SEL1L3: variants seen among roughly 807,000 people sequenced by gnomAD.
SEL1L3 encodes the protein SEL1L family member 3, also known as protein sel-1 homolog 3.
In SEL1L3, 76 loss-of-function variants were observed where a neutral mutation model predicts 142.8. The ratio of observed to expected loss-of-function variants is 0.53; its 90% CI spans 0.44 to 0.64. SEL1L3 has a LOEUF of 0.64. SEL1L3 is among the 30% of genes least tolerant of loss of function. SEL1L3 has a pLI of 0.00. For missense variants in SEL1L3, 1,262 were observed against 1,381.7 expected (o/e 0.91, Z 1.37); for synonymous variants, 504 against 519.6 (o/e 0.97, Z 0.41).
At chr4:25,725,481 A>C in the SEL1L3 span, among the ~76,000 whole-genome samples, 1 of 151,856 alleles carries the variant, frequency 6.6e-6, no homozygotes. Context: ...ACGGCTGGCT[A>C]TTTTTTGTAT....
chr4:25,777,826 A>G (rs1301579424), intron 16 of SEL1L3: 2 of 456,232 alleles, frequency 4.4e-6, no homozygotes, highest in Non-Finnish European at 8.8e-6. Context: ...GTTATGAAGA[A>G]CAATCTTTTG....
At chr4:25,776,837 A>AT (rs10714311) in intron 16 of SEL1L3, 1 of 151,824 alleles carries the variant, frequency 6.6e-6, no homozygotes, top group Admixed American at 6.6e-5. Context: ...AAGTAGAATA[A>AT]TTTTTTTAAA....
chr4:25,855,789 C>T (rs946390684), intron 1 of SEL1L3, among the ~76,000 whole-genome samples: 2 of 152,076 alleles, frequency 1.3e-5, no homozygotes, highest in Non-Finnish European at 2.9e-5. Context: ...TGGGCATGGG[C>T]ATTTCTGCCA....
At chr4:25,820,214 T>G (rs1253010320) in intron 7 of SEL1L3, among the ~76,000 whole-genome samples, 1 of 152,214 alleles carries the variant, frequency 6.6e-6, no homozygotes, top group African/African-American at 2.4e-5. Context: ...TCTTCTTTTC[T>G]CTGGCTGCAC....
chr4:25,803,978 T>C (rs1193631695), intron 10 of SEL1L3, among the ~76,000 whole-genome samples: 1 of 152,180 alleles, frequency 6.6e-6, no homozygotes, highest in Non-Finnish European at 1.5e-5. Flanking sequence ...GTAAGAAACC[T>C]CTTCCTATAT....
chr4:25,861,443 G>A (rs1717699877), intron 1 of SEL1L3, among the ~76,000 whole-genome samples: 1 of 152,160 alleles, frequency 6.6e-6, no homozygotes, highest in Non-Finnish European at 1.5e-5. Context: ...ACACCTTCTT[G>A]CTTCAAGAAA....
At chr4:25,846,232 C>T (rs1398509996) in intron 2 of SEL1L3, among the ~76,000 whole-genome samples, 1 of 152,184 alleles carries the variant, frequency 6.6e-6, no homozygotes, top group Non-Finnish European at 1.5e-5. Flanking sequence ...CTGAGATCTC[C>T]AGCCCCACGG....
chr4:25,796,807 A>G (rs1480093088), intron 11 of SEL1L3, among the ~76,000 whole-genome samples: 3 of 151,984 alleles, frequency 2.0e-5, no homozygotes, highest in African/African-American at 7.2e-5. Flanking sequence ...AACAAAACAC[A>G]GTAAGGTTTT....
At chr4:25,815,768 T>C (rs1714351900) in intron 9 of SEL1L3, among the ~76,000 whole-genome samples, 1 of 151,842 alleles carries the variant, frequency 6.6e-6, no homozygotes, top group Admixed American at 6.6e-5. Flanking sequence ...AGCAATAACA[T>C]TGACATAGCA....
chr4:25,741,804 T>TTATTA, the SEL1L3 span, among the ~76,000 whole-genome samples: 2 of 150,798 alleles, frequency 1.3e-5, no homozygotes, highest in African/African-American at 4.9e-5. Flanking sequence ...TTTCTTTGAT[T>TTATTA]TATTATATTA....
the SEL1L3 span, chr4:25,719,100 C>G: frequency 6.6e-6 from 1 of 152,158 alleles, no homozygotes; most frequent in Non-Finnish European, 1.5e-5. Context: ...CGTTTGAACC[C>G]GGGAGGCGTA....
In SEL1L3 at chr4:25,759,034, C is replaced by T. The variant is rs1425737538; in HGVS notation, c.2990G>A (p.Gly997Asp). 2.5e-6 allele frequency: 4 copies of T among 1,613,758 alleles called. No individual in the cohort carries two copies. The highest frequency in any genetic ancestry group is 3.4e-6 in the Non-Finnish European group (4 of 1,179,832). Residue 997 changes from glycine (G) to aspartate (D), a missense_variant, in exon 21 of 24, where the codon GGT becomes GAT. By Grantham distance (94) the Gly-to-Asp change is moderately conservative. Transcript: ENST00000399878. ...CAAGATATGGTGTGGGATTATCGTA[C>T]CTTCCTCGATTAGCAGGGCCAGGTT... ...FFNLALLIEE[G>D]TIIPHHILDF...
At chr4:25,751,595 G>A (rs1169419412) in intron 23 of SEL1L3, among the ~76,000 whole-genome samples, 3 of 151,532 alleles carry the variant, frequency 2.0e-5, no homozygotes, top group Non-Finnish European at 4.4e-5. Flanking sequence ...TGCGAGCCAG[G>A]AGTCAAACAC....
intron 9 of SEL1L3, among the ~76,000 whole-genome samples, chr4:25,813,056 T>A (rs1714139118): frequency 6.6e-6 from 1 of 152,102 alleles, no homozygotes; most frequent in South Asian, 2.1e-4. Context: ...CAAGTGTTTC[T>A]GAGGATGTGG....
intron 17 of SEL1L3, among the ~76,000 whole-genome samples, chr4:25,768,918 G>GA (rs953794726): frequency 2.8e-4 from 40 of 140,612 alleles, no homozygotes; most frequent in Middle Eastern, 3.7e-3. Flanking sequence ...AATAAGCAGA[G>GA]AAAAAAAAAA....
chr4:25,787,416 G>A (rs1255708651), intron 13 of SEL1L3, among the ~76,000 whole-genome samples: 5 of 152,148 alleles, frequency 3.3e-5, no homozygotes, highest in African/African-American at 4.8e-5. Flanking sequence ...TGCCTCCCAG[G>A]TTCAAGCAGT....
At chr4:25,862,412 C>T (rs1717781294) in intron 1 of SEL1L3, among the ~76,000 whole-genome samples, 2 of 152,118 alleles carry the variant, frequency 1.3e-5, no homozygotes, top group South Asian at 2.1e-4. Flanking sequence ...TCGAGGGTAA[C>T]CCGACCCGGG....
At chr4:25,837,339 A>C (rs1343339774) in intron 2 of SEL1L3, among the ~76,000 whole-genome samples, 1 of 143,424 alleles carries the variant, frequency 7.0e-6, no homozygotes, top group Non-Finnish European at 1.5e-5. Flanking sequence ...TGTGCAGTGG[A>C]AACATTTGTC....
downstream of SEL1L3, among the ~76,000 whole-genome samples, chr4:25,744,611 C>A (rs965035245): frequency 1.3e-5 from 2 of 152,156 alleles, no homozygotes; most frequent in Non-Finnish European, 2.9e-5. Flanking sequence ...GCCTCTGCCT[C>A]CGAAAGTGCT....
Sources: allele counts gnomAD v4.1 joint callset (sites outside exome capture counted in the v4.1 genomes callset), GRCh38; gene constraint gnomAD v4.1.1; transcripts MANE v1.5; gene names NCBI Gene and HGNC (gene_info 2026-07-23, HGNC 2026-07-21).